The following PRKACB variants were observed in gnomAD, a reference collection of about 807,000 sequenced individuals.
PRKACB encodes cAMP-dependent protein kinase catalytic subunit beta.
PRKACB carries 16 observed loss-of-function variants against 51.4 expected under a neutral mutation model. The observed-to-expected ratio is 0.31, with a 90% CI of 0.21 to 0.47. The LOEUF (loss-of-function observed/expected upper bound fraction) is 0.47. PRKACB is among the 20% of genes least tolerant of loss of function. The pLI, the probability that PRKACB is intolerant of heterozygous loss-of-function variation, is 1.00. For missense variants in PRKACB, 309 were observed against 464.5 expected (o/e 0.67, Z 3.08); for synonymous variants, 147 against 154.4 (o/e 0.95, Z 0.35).
rs1301770534 is a variant in PRKACB at position 84,206,267 on chromosome 1, A to AC, written c.906+3463dup. On this transcript the variant is annotated intron_variant, in intron 8 of 9. Coordinates refer to ENST00000370685, the MANE Select transcript of PRKACB (RefSeq NM_182948.4). ...TAGAGAAGTATAAACATAAGTATAT[A>AC]CTGAATGATCAAAGAGTTGGTTAAT... Among the ~76,000 whole-genome samples, 5 of 152,302 alleles carry AC rather than the reference A, an allele frequency of 3.3e-5. No homozygotes were observed. The East Asian group carries it at 9.6e-4, about 29-fold the overall frequency.
chr1:84,225,023 G>A lies in PRKACB; in HGVS notation c.1072-10157G>A, dbSNP rs376804089. On this transcript the variant is annotated intron_variant, in intron 9 of 9. Coordinates refer to ENST00000370685, the MANE Select transcript of PRKACB (RefSeq NM_182948.4). ...GATCATATGTATGTGTACCCAGAGT[G>A]ATAGACAGAGGGGGGCACTCCCCAG... 1.3e-3 allele frequency among the ~76,000 whole-genome samples: 195 copies of A among 152,218 alleles called. 1 individual carries two copies. Among genetic ancestry groups the A allele is most frequent in the African/African-American group, 4.5e-3 (188 of 41,542 alleles).
chr1:84,090,384 T>C (rs1648363406), intron 1 of PRKACB, among the ~76,000 whole-genome samples: 1 of 152,226 alleles, frequency 6.6e-6, no homozygotes, highest in Non-Finnish European at 1.5e-5. Context: ...TATTGTTCCA[T>C]CATGCAGGAC....
intron 1 of PRKACB, among the ~76,000 whole-genome samples, chr1:84,093,822 A>G (rs1248875433): frequency 6.6e-6 from 1 of 151,868 alleles, no homozygotes; most frequent in East Asian, 1.9e-4. Flanking sequence ...AATTTTAAAT[A>G]TAATTTTAAA....
At chr1:84,133,714 G>A (rs1056088262) in intron 1 of PRKACB, among the ~76,000 whole-genome samples, 2 of 152,218 alleles carry the variant, frequency 1.3e-5, no homozygotes, top group African/African-American at 4.8e-5. Flanking sequence ...GAGCCAAGAC[G>A]AGTGCTTCTG....
At chr1:84,167,185 C>G (rs927615989) in intron 1 of PRKACB, among the ~76,000 whole-genome samples, 4 of 151,516 alleles carry the variant, frequency 2.6e-5, no homozygotes, top group Non-Finnish European at 5.9e-5. Context: ...CTCCCAGCTT[C>G]CAGTTTTATA....
chr1:84,223,370 G>GT (rs976444186), intron 9 of PRKACB, among the ~76,000 whole-genome samples: 2,041 of 21,394 alleles, frequency 0.095, 92 homozygotes, highest in African/African-American at 0.16. Context: ...GTTTTTTTTT[G>GT]TTTTTTTGTT....
chr1:84,133,602 C>G (rs1227956700), intron 1 of PRKACB, among the ~76,000 whole-genome samples: 5 of 152,022 alleles, frequency 3.3e-5, no homozygotes. Flanking sequence ...GTCAGCTTCA[C>G]TTGGCTTTAC....
At chr1:84,100,899 G>A (rs1377365745) in intron 1 of PRKACB, among the ~76,000 whole-genome samples, 1 of 152,130 alleles carries the variant, frequency 6.6e-6, no homozygotes, top group Admixed American at 6.6e-5. Context: ...TAAAAAGTAG[G>A]CAAGCTAGGA....
At chr1:84,103,451 AAG>A (rs1039449916) in intron 1 of PRKACB, among the ~76,000 whole-genome samples, 7 of 152,186 alleles carry the variant, frequency 4.6e-5, no homozygotes, top group Non-Finnish European at 7.4e-5. Context: ...TAGAGAAAGA[AAG>A]AGAGAGATTG....
At chr1:84,098,052 A>T (rs2100797164) in intron 1 of PRKACB, among the ~76,000 whole-genome samples, 1 of 152,208 alleles carries the variant, frequency 6.6e-6, no homozygotes. Flanking sequence ...ATATCAGGAT[A>T]TAATTATGCT....
In PRKACB at chr1:84,113,116, C is replaced by G. The variant is rs1650366176; in HGVS notation, c.46+34745C>G. Among the ~76,000 whole-genome samples, 2 of 152,162 alleles carry G rather than the reference C, an allele frequency of 1.3e-5. 1 individual carries two copies. The highest frequency in any genetic ancestry group is 1.3e-4 in the Admixed American group (2 of 15,268). ...TAACATATGAAAATATTTTATTTCACTAGTGATCAGTGAAATATGATTTAA... is the reference window on the plus strand; with the variant it reads ...TAACATATGAAAATATTTTATTTCAGTAGTGATCAGTGAAATATGATTTAA... On this transcript the variant is annotated intron_variant, in intron 1 of 8. Transcript: ENST00000370688.
chr1:84,127,289 G>A (rs1025947741), intron 1 of PRKACB, among the ~76,000 whole-genome samples: 11 of 152,184 alleles, frequency 7.2e-5, no homozygotes, highest in African/African-American at 2.4e-4. Flanking sequence ...TAAAATAGCT[G>A]TATGTAATTT....
chr1:84,174,901 CAAAT>C (rs1304731622), intron 1 of PRKACB: 16 of 836,852 alleles, frequency 1.9e-5, no homozygotes, highest in Non-Finnish European at 2.6e-5. Context: ...TACATACAAT[CAAAT>C]AATTGAATTT....
At chr1:84,175,907 A>T in intron 1 of PRKACB, 10 of 958,320 alleles carry the variant, frequency 1.0e-5, no homozygotes, top group Non-Finnish European at 1.4e-5. Context: ...GAATAAATTA[A>T]TTTTTTGTGT....
intron 5 of PRKACB, among the ~76,000 whole-genome samples, chr1:84,190,825 T>C (rs1315603760): frequency 6.6e-6 from 1 of 152,098 alleles, no homozygotes; most frequent in Non-Finnish European, 1.5e-5. Flanking sequence ...TCATTTAAGT[T>C]CTGTTTTATT....
intron 1 of PRKACB, chr1:84,078,382 G>C (rs761208321): frequency 1.9e-6 from 3 of 1,610,762 alleles, no homozygotes; most frequent in Non-Finnish European, 2.5e-6. Context: ...GTGAGTTGAA[G>C]GCCGGGTCTG....
At chr1:84,171,309 C>A (rs1218444208) in intron 1 of PRKACB, among the ~76,000 whole-genome samples, 2 of 151,428 alleles carry the variant, frequency 1.3e-5, no homozygotes, top group African/African-American at 4.8e-5. Context: ...GAGCAAAGAT[C>A]AGTGGGTGGA....
intron 1 of PRKACB, among the ~76,000 whole-genome samples, chr1:84,108,559 A>T (rs531183629): frequency 1.3e-5 from 2 of 152,128 alleles, no homozygotes; most frequent in East Asian, 3.9e-4. Context: ...CTTATTGTAT[A>T]CCAGACACCA....
chr1:84,214,878 C>T (rs1672672244), intron 9 of PRKACB, among the ~76,000 whole-genome samples: 1 of 152,168 alleles, frequency 6.6e-6, no homozygotes, highest in Admixed American at 6.5e-5. Context: ...CCTATCTATG[C>T]TTGTTACGCT....
Sources: allele counts gnomAD v4.1 joint callset (sites outside exome capture counted in the v4.1 genomes callset), GRCh38; gene constraint gnomAD v4.1.1; transcripts MANE v1.5; gene names NCBI Gene and HGNC (gene_info 2026-07-23, HGNC 2026-07-21).